Variants in SLC2A2 observed in about 807,000 individuals in gnomAD.
The protein encoded by SLC2A2 is solute carrier family 2 member 2.
SLC2A2 carries 36 observed loss-of-function variants against 54.5 expected under a neutral mutation model. The ratio of observed to expected loss-of-function variants is 0.66; its 90% CI spans 0.51 to 0.87. The LOEUF (loss-of-function observed/expected upper bound fraction) is 0.87. Ranked by LOEUF, SLC2A2 falls within the 40% of genes least tolerant of loss-of-function variation. The probability of loss-of-function intolerance (pLI) is 0.00; values close to 1 mark genes in which losing one functional copy is unlikely to be tolerated. For synonymous variants in SLC2A2, 223 were observed against 219.1 expected, an observed-to-expected ratio of 1.02 and a Z score of -0.16; for missense variants, 543 against 624.3, an observed-to-expected ratio of 0.87 and a Z score of 1.39.
chr3:171,006,534 A>G (rs1241107397), intron 5 of SLC2A2, among the ~76,000 whole-genome samples: 1 of 151,994 alleles, frequency 6.6e-6, no homozygotes, highest in Non-Finnish European at 1.5e-5. Context: ...TCCTTCTTAT[A>G]TTACCCAGAA....
intron 3 of SLC2A2, among the ~76,000 whole-genome samples, chr3:171,012,733 A>G (rs984775451): frequency 2.0e-5 from 3 of 152,164 alleles, no homozygotes; most frequent in African/African-American, 7.2e-5. Context: ...AGATAATTTT[A>G]TGGGGATACT....
intron 1 of SLC2A2, 22 bp from the exon 2 acceptor site, chr3:171,018,645 G>T: frequency 1.9e-6 from 3 of 1,545,652 alleles, no homozygotes; most frequent in South Asian, 1.1e-5. Flanking sequence ...GAGACACAGG[G>T]CAGGGAAACA....
Position 171,026,376 on chromosome 3 carries a change from T to C in SLC2A2, c.15+280A>G, listed in dbSNP as rs867273770. 4.2e-3 allele frequency among the ~76,000 whole-genome samples: 641 copies of C among 151,284 alleles called. 3 individuals carry two copies. The highest frequency in any genetic ancestry group is 0.015 in the African/African-American group (608 of 41,198). On this transcript the variant is annotated intron_variant, in intron 1 of 10. Transcript: ENST00000314251. ...TTAGGTCAATCTGCCCCCTTTTTTT[T>C]TTTTTTTTTTTTGGTTAGGAGGGGA...
At chr3:171,023,986 C>T (rs1716577261) in intron 1 of SLC2A2, among the ~76,000 whole-genome samples, 1 of 152,038 alleles carries the variant, frequency 6.6e-6, no homozygotes, top group Admixed American at 6.6e-5. Flanking sequence ...TGAACTTCAA[C>T]ATAAAACAAT....
At chr3:171,023,866 A>G (rs564073887) in intron 1 of SLC2A2, among the ~76,000 whole-genome samples, 1 of 152,356 alleles carries the variant, frequency 6.6e-6, no homozygotes, top group Admixed American at 6.5e-5. Context: ...ACTTTAAAAA[A>G]TGCTACCTTC....
rs1715105456 is a variant in SLC2A2 at position 170,996,969 on chromosome 3, C to A, written c.*934G>T. ...AATATTTTTAACAAAGTGATCAATC[C>A]TTTACTTCAAATTTTCTTACATTAG... On this transcript the variant is annotated 3_prime_UTR_variant, in exon 11 of 11. Transcript: ENST00000314251. 1 of 245,964 alleles carries A rather than the reference C, an allele frequency of 4.1e-6. No individual in the cohort carries two copies. The highest frequency in any genetic ancestry group is 7.5e-6 in the Non-Finnish European group (1 of 132,580). 15.2% of individuals were successfully genotyped at this position (245,964 alleles called of 1,614,324 possible). A position where few individuals can be genotyped will look rare whatever the true frequency, so the allele number is the denominator to read the frequency against.
intron 2 of SLC2A2, among the ~76,000 whole-genome samples, chr3:171,015,287 G>A (rs9873618): frequency 0.35 from 53,499 of 151,824 alleles, 10,299 homozygotes; most frequent in African/African-American, 0.52. Context: ...TGGGCAACAT[G>A]GTGAAACCCT....
chr3:171,001,133 G>A (rs764497159), intron 8 of SLC2A2, among the ~76,000 whole-genome samples: 13 of 151,746 alleles, frequency 8.6e-5, no homozygotes, highest in Non-Finnish European at 1.5e-5. Context: ...TTGGGAGCAG[G>A]GTGCAAAAAT....
chr3:171,004,574 A>C (rs1214872856), intron 7 of SLC2A2, among the ~76,000 whole-genome samples: 1 of 147,626 alleles, frequency 6.8e-6, no homozygotes, highest in African/African-American at 2.6e-5. Context: ...TAACAGCAAC[A>C]AAAGGGGAGA....
At chr3:171,022,222 C>T (rs79542541) in intron 1 of SLC2A2, among the ~76,000 whole-genome samples, 5 of 152,300 alleles carry the variant, frequency 3.3e-5, no homozygotes, top group African/African-American at 7.2e-5. Flanking sequence ...CCAGATCTTA[C>T]GCTTTTAACT....
At chr3:171,011,353 G>A (rs1224341255) in intron 3 of SLC2A2, among the ~76,000 whole-genome samples, 1 of 152,096 alleles carries the variant, frequency 6.6e-6, no homozygotes, top group Non-Finnish European at 1.5e-5. Context: ...AGAGGAGCAG[G>A]TGATATGATG....
chr3:170,998,254 A>G lies in SLC2A2; in HGVS notation c.1313T>C (p.Ile438Thr), dbSNP rs751226875. The change falls in exon 10 of 11, where the codon ATA (isoleucine) becomes ACA (threonine). Residue 438 changes from isoleucine to threonine, a missense_variant. Coordinates refer to ENST00000314251, the MANE Select transcript of SLC2A2 (RefSeq NM_000340.2). Reference sequence around the variant, plus strand: ...GCAGGTCCAATTGCTGAATGCAGCTATTGCTAAAGCAGCAGGACGTGGTCC... The same window carrying G: ...GCAGGTCCAATTGCTGAATGCAGCTGTTGCTAAAGCAGCAGGACGTGGTCC... Reference protein sequence around the residue: ...SQGPRPAALAIAAFSNWTCNF... With the variant: ...SQGPRPAALATAAFSNWTCNF... 3 of 1,613,724 alleles carry G rather than the reference A, an allele frequency of 1.9e-6. No homozygotes were observed. The highest frequency in any genetic ancestry group is 1.7e-5 in the Admixed American group (1 of 59,908).
intron 3 of SLC2A2, among the ~76,000 whole-genome samples, chr3:171,012,084 G>C (rs6785803): frequency 0.23 from 34,389 of 151,980 alleles, 5,692 homozygotes; most frequent in African/African-American, 0.47. Context: ...GTATAGGCTC[G>C]ATTATTGTCG....
At chr3:171,015,091 C>T (rs566480750) in intron 2 of SLC2A2, among the ~76,000 whole-genome samples, 28 of 152,180 alleles carry the variant, frequency 1.8e-4, no homozygotes, top group Non-Finnish European at 3.2e-4. Flanking sequence ...TGACCTTTAA[C>T]TTTTTAACAG....
chr3:171,014,396 T>C (rs1446448083), intron 3 of SLC2A2, 73 bp downstream of exon 3: 1 of 1,514,304 alleles, frequency 6.6e-7, no homozygotes, highest in Non-Finnish European at 9.1e-7. Context: ...AAAGATAATA[T>C]TTTTCTAAAC....
intron 1 of SLC2A2, among the ~76,000 whole-genome samples, chr3:171,022,655 T>G (rs981180664): frequency 6.6e-6 from 1 of 152,258 alleles, no homozygotes; most frequent in Non-Finnish European, 1.5e-5. Flanking sequence ...TGTCACCTCC[T>G]GCTTCATCCC....
intron 7 of SLC2A2, among the ~76,000 whole-genome samples, chr3:171,004,512 C>T (rs1010751100): frequency 2.0e-5 from 3 of 151,880 alleles, no homozygotes; most frequent in Admixed American, 6.6e-5. Flanking sequence ...CACAAAGTGT[C>T]CCATGTGGAT....
At chr3:171,023,142 T>C (rs527550204) in intron 1 of SLC2A2, among the ~76,000 whole-genome samples, 1 of 152,332 alleles carries the variant, frequency 6.6e-6, no homozygotes, top group South Asian at 2.1e-4. Flanking sequence ...GAGGGTTGAC[T>C]GTGGTCCTGC....
intron 2 of SLC2A2, among the ~76,000 whole-genome samples, chr3:171,017,162 C>T (rs1011277938): frequency 4.0e-5 from 6 of 151,896 alleles, no homozygotes; most frequent in Non-Finnish European, 7.4e-5. Context: ...AGGGATGGTT[C>T]AATTAATGAT....
Sources: allele counts gnomAD v4.1 joint callset (sites outside exome capture counted in the v4.1 genomes callset), GRCh38; gene constraint gnomAD v4.1.1; transcripts MANE v1.5; gene names NCBI Gene and HGNC (gene_info 2026-07-23, HGNC 2026-07-21).